TMEM150C: variants seen among roughly 807,000 people sequenced by gnomAD.
TMEM150C encodes the protein tentonin 3.
In TMEM150C, 10 loss-of-function variants were observed where a neutral mutation model predicts 29.9. The ratio of observed to expected loss-of-function variants is 0.33; its 90% CI spans 0.21 to 0.57. The LOEUF is 0.57. TMEM150C is among the 20% of genes least tolerant of loss of function. The pLI is 0.88. For synonymous variants in TMEM150C, 101 were observed against 112.5 expected (o/e 0.90, Z 0.64); for missense variants, 251 against 303.6 (o/e 0.83, Z 1.29).
At chr4:82,487,862 T>C (rs1321032280) in intron 7 of TMEM150C, among the ~76,000 whole-genome samples, 1 of 152,228 alleles carries the variant, frequency 6.6e-6, no homozygotes, top group East Asian at 1.9e-4. Context: ...ATTTTAAAGC[T>C]ACTTTCTCTC....
chr4:82,551,283 A>T (rs1356608484), intron 1 of TMEM150C, among the ~76,000 whole-genome samples: 1 of 152,190 alleles, frequency 6.6e-6, no homozygotes, highest in Non-Finnish European at 1.5e-5. Flanking sequence ...CATACAGCAT[A>T]CACTATACTA....
intron 1 of TMEM150C, among the ~76,000 whole-genome samples, chr4:82,538,997 G>T (rs928020485): frequency 6.6e-6 from 1 of 152,122 alleles, no homozygotes; most frequent in Non-Finnish European, 1.5e-5. Flanking sequence ...AGCCTGGGAG[G>T]TCAAAGCTGC....
Position 82,491,274 on chromosome 4 carries a change from TG to T in TMEM150C, c.364-1037del. 4 of 680,386 alleles carry T rather than the reference TG, an allele frequency of 5.9e-6. No homozygotes were observed. The East Asian group carries it at 8.0e-5, about 14-fold the overall frequency. 42.1% of individuals were successfully genotyped at this position (680,386 alleles called of 1,614,324 possible). On this transcript the variant is annotated intron_variant, in intron 6 of 7. Coordinates refer to ENST00000449862, the MANE Select transcript of TMEM150C (RefSeq NM_001080506.3). Reference sequence around the variant, plus strand: ...TTTGCAGGCAGCTTTCTTCTCAGCCTGGGCCAACAGCTTCTGCTTCTTCTCT... The same window carrying T: ...TTTGCAGGCAGCTTTCTTCTCAGCCTGGCCAACAGCTTCTGCTTCTTCTCT...
chr4:82,505,927 T>A (rs984381876), intron 1 of TMEM150C, among the ~76,000 whole-genome samples: 1 of 152,196 alleles, frequency 6.6e-6, no homozygotes, highest in Non-Finnish European at 1.5e-5. Context: ...GATGCCAACA[T>A]AATCCTTATG....
At chr4:82,501,651 C>T (rs1374451829) in intron 5 of TMEM150C, among the ~76,000 whole-genome samples, 1 of 152,126 alleles carries the variant, frequency 6.6e-6, no homozygotes, top group East Asian at 1.9e-4. Context: ...CTCCATGTTT[C>T]TCATGTTCTG....
chr4:82,485,423 G>A lies in TMEM150C; in HGVS notation c.*88C>T. 3 of 880,032 alleles carry A rather than the reference G, an allele frequency of 3.4e-6. No individual in the cohort carries two copies. The highest frequency in any genetic ancestry group is 5.3e-6 in the Non-Finnish European group (3 of 565,376). 54.5% of individuals were successfully genotyped at this position (880,032 alleles called of 1,614,324 possible). A position where few individuals can be genotyped will look rare whatever the true frequency, so the allele number is the denominator to read the frequency against. On this transcript the variant is annotated 3_prime_UTR_variant, in exon 8 of 8. Coordinates refer to ENST00000449862, the MANE Select transcript of TMEM150C (RefSeq NM_001080506.3). ...GTGTGTGTGTGTGTGTGTGTGAAATGAGGTTCTATGTCAAGTCCTGTGAGT... is the reference window on the plus strand; with the variant it reads ...GTGTGTGTGTGTGTGTGTGTGAAATAAGGTTCTATGTCAAGTCCTGTGAGT...
chr4:82,503,977 T>C (rs1451430750), intron 2 of TMEM150C, among the ~76,000 whole-genome samples: 2 of 152,070 alleles, frequency 1.3e-5, no homozygotes, highest in Non-Finnish European at 2.9e-5. Flanking sequence ...ATCTTGCAAA[T>C]AATTAATTCA....
intron 1 of TMEM150C, among the ~76,000 whole-genome samples, chr4:82,553,384 A>G (rs76559312): frequency 0.019 from 2,878 of 152,362 alleles, 59 homozygotes; most frequent in South Asian, 0.07. Context: ...CATCAGAGTC[A>G]TGTTAAGTTG....
At chr4:82,530,992 A>G (rs1266418117) in intron 1 of TMEM150C, among the ~76,000 whole-genome samples, 2 of 152,170 alleles carry the variant, frequency 1.3e-5, no homozygotes, top group Non-Finnish European at 2.9e-5. Context: ...AACAACCCCC[A>G]TCATCCAATC....
chr4:82,507,997 G>A (rs1029175779), intron 1 of TMEM150C, among the ~76,000 whole-genome samples: 5 of 151,798 alleles, frequency 3.3e-5, no homozygotes, highest in Non-Finnish European at 7.4e-5. Context: ...ATCCACCCAC[G>A]TGAGCCACTG....
At position 82,549,473 on chromosome 4, in the gene TMEM150C, T is replaced by C. The variant is rs1725498023; in HGVS notation, c.-11+12433A>G. Among the ~76,000 whole-genome samples the C allele has an allele frequency of 2.6e-5, 4 of 152,088 alleles. No individual in the cohort carries two copies. The South Asian group carries it at 6.2e-4, about 24-fold the overall frequency. ...GTCAGGGGCTAGGGGTAGGAGGATA[T>C]GGGGAGTTGTTTAATGGGTATAGAG... On this transcript the variant is annotated intron_variant, in intron 1 of 7. Coordinates refer to ENST00000449862, the MANE Select transcript of TMEM150C (RefSeq NM_001080506.3).
rs1000909790 is a variant in TMEM150C, at chr4:82,490,859, C to T, written c.364-621G>A. Reference sequence around the variant, plus strand: ...TGGTGGCAAGTTCTTTAGCCTTTGCCTTTTTGAGCTTAGCAATGTGAGCCA... The same window carrying T: ...TGGTGGCAAGTTCTTTAGCCTTTGCTTTTTTGAGCTTAGCAATGTGAGCCA... On this transcript the variant is annotated intron_variant, in intron 6 of 7. Transcript: ENST00000449862. 1.0e-5 allele frequency: 7 copies of T among 677,734 alleles called. No individual in the cohort carries two copies. In the African/African-American group the frequency reaches 1.1e-4, roughly 10 times the overall value. The allele number at this position is 677,734 out of a possible 1,614,324, so 42.0% of individuals were successfully genotyped here. A position where few individuals can be genotyped will look rare whatever the true frequency, so the allele number is the denominator to read the frequency against.
intron 1 of TMEM150C, among the ~76,000 whole-genome samples, chr4:82,523,839 G>A (rs755112647): frequency 2.0e-5 from 3 of 151,724 alleles, no homozygotes; most frequent in African/African-American, 7.3e-5. Flanking sequence ...CGCCACACCT[G>A]GCTAATTTTT....
chr4:82,508,546 A>G (rs1465553854), intron 1 of TMEM150C, among the ~76,000 whole-genome samples: 2 of 151,424 alleles, frequency 1.3e-5, no homozygotes, highest in African/African-American at 4.9e-5. Context: ...GCTCACTGCA[A>G]CCTCTGCCTC....
intron 1 of TMEM150C, among the ~76,000 whole-genome samples, chr4:82,506,207 A>G (rs1210751726): frequency 1.3e-5 from 2 of 152,156 alleles, no homozygotes; most frequent in Non-Finnish European, 2.9e-5. Flanking sequence ...AGACCTTCCA[A>G]GTGTTGAGAC....
intron 6 of TMEM150C, chr4:82,491,355 T>TAAGCTAGCCCACA: frequency 1.6e-6 from 1 of 645,106 alleles, no homozygotes; most frequent in Non-Finnish European, 2.8e-6. Context: ...AGTAGCTGCT[T>TAAGCTAGCCCACA]GGCATCCAGG....
At chr4:82,535,024 G>C (rs1262974561) in intron 1 of TMEM150C, among the ~76,000 whole-genome samples, 1 of 152,164 alleles carries the variant, frequency 6.6e-6, no homozygotes, top group East Asian at 1.9e-4. Context: ...AAGTAAAATT[G>C]TTTCTGTGTC....
intron 1 of TMEM150C, among the ~76,000 whole-genome samples, chr4:82,537,529 C>A (rs1725051637): frequency 6.6e-6 from 1 of 152,150 alleles, no homozygotes; most frequent in African/African-American, 2.4e-5. Context: ...TCTGCTCACA[C>A]AAATTCACAC....
At chr4:82,493,019 AT>A (rs1228703838) in intron 6 of TMEM150C, among the ~76,000 whole-genome samples, 4 of 150,660 alleles carry the variant, frequency 2.7e-5, no homozygotes, top group African/African-American at 9.7e-5. Context: ...TTCAACATAT[AT>A]TTTTTAATTG....
Sources: gnomAD v4.1 joint callset for allele counts (sites outside exome capture counted in the v4.1 genomes callset) on GRCh38, gnomAD v4.1.1 for gene constraint, MANE v1.5 for transcripts, NCBI Gene and HGNC (gene_info 2026-07-23, HGNC 2026-07-21) for gene names.